MROH1: variants seen among roughly 807,000 people sequenced by gnomAD.
MROH1 encodes the protein maestro heat-like repeat-containing protein family member 1.
MROH1 carries 117 observed loss-of-function variants against 116.5 expected under a neutral mutation model. The ratio of observed to expected loss-of-function variants is 1.00; its 90% confidence interval spans 0.86 to 1.17. MROH1 has a LOEUF of 1.17. Ranked by LOEUF, MROH1 falls within the 50% of genes most tolerant of loss-of-function variation. The probability of loss-of-function intolerance (pLI) is 0.00; values close to 1 mark genes in which losing one functional copy is unlikely to be tolerated. For synonymous variants in MROH1, 921 were observed against 583.9 expected, an observed-to-expected ratio of 1.58 and a Z score of -8.32; for missense variants, 1,873 against 1,338.5, an observed-to-expected ratio of 1.40 and a Z score of -6.23.
At chr8:144,190,311 T>C (rs1171908342) in intron 7 of MROH1, among the ~76,000 whole-genome samples, 1 of 152,188 alleles carries the variant, frequency 6.6e-6, no homozygotes, top group Non-Finnish European at 1.5e-5. Flanking sequence ...GCAGATCACT[T>C]GAGGTCAGCA....
chr8:144,237,222 T>TA (rs1182724976), intron 14 of MROH1, among the ~76,000 whole-genome samples: 1 of 152,212 alleles, frequency 6.6e-6, no homozygotes, highest in African/African-American at 2.4e-5. Context: ...CTCCTATTCT[T>TA]ATGTGCATGC....
intron 10 of MROH1, among the ~76,000 whole-genome samples, chr8:144,194,078 C>G (rs1262708141): frequency 1.3e-5 from 2 of 148,700 alleles, no homozygotes; most frequent in Non-Finnish European, 3.0e-5. Flanking sequence ...TTCTTTTCCC[C>G]TGAGATGGAG....
chr8:144,198,058 A>G (rs1376848162), intron 10 of MROH1, among the ~76,000 whole-genome samples: 56 of 151,410 alleles, frequency 3.7e-4, no homozygotes, highest in African/African-American at 1.3e-3. Flanking sequence ...AAAAAAAAAA[A>G]AAAAAAGAAA....
chr8:144,174,651 G>T (rs570165400), intron 4 of MROH1, among the ~76,000 whole-genome samples: 49 of 151,866 alleles, frequency 3.2e-4, no homozygotes, highest in African/African-American at 1.1e-3. Context: ...CTGGCTAATT[G>T]TTTTTATTTT....
Position 144,261,887 on chromosome 8 carries a change from C to T in MROH1, c.*147C>T, listed in dbSNP as rs942148894. On this transcript the variant is annotated 3_prime_UTR_variant, in exon 44 of 44. Coordinates refer to ENST00000326134, the MANE Select transcript of MROH1 (RefSeq NM_032450.3). ...CACTGCTGGGGACCAAACCCAAGCC[C>T]TTCAGTGAGGGATGTGCCCAATAAA... is the stretch of plus-strand genomic sequence containing the variant. 1.5e-6 allele frequency: 1 copy of T among 671,550 alleles called. No individual in the cohort carries two copies. The allele number at this position is 671,550 out of a possible 1,614,324, so 41.6% of individuals were successfully genotyped here.
intron 10 of MROH1, among the ~76,000 whole-genome samples, chr8:144,198,047 C>CAA (rs11366876): frequency 6.0e-5 from 7 of 116,820 alleles, no homozygotes; most frequent in African/African-American, 2.3e-4. Context: ...AAAACTGTTT[C>CAA]AAAAAAAAAA....
intron 14 of MROH1, among the ~76,000 whole-genome samples, chr8:144,229,743 G>GCTTT (rs1458167711): frequency 1.3e-5 from 2 of 151,988 alleles, no homozygotes; most frequent in Non-Finnish European, 2.9e-5. Context: ...TTTTCTCTTA[G>GCTTT]CTTTTCCTTT....
Position 144,247,568 on chromosome 8 carries a change from C to T in MROH1, c.3009C>T (p.Gly1003=), listed in dbSNP as rs1842113586. The change falls in exon 31 of 44, where the codon GGC becomes GGT. Residue 1003 remains glycine (G), a splice_region_variant and synonymous_variant. Transcript: ENST00000326134. ...SLLYLQLGYE[G]FSRDYRDDVA... ...CTGCTCATTCCTGCCGCCTCTCAGG[C>T]TTCTCCCGGGACTACCGCGATGACG... 2.6e-6 allele frequency: 2 copies of T among 774,334 alleles called. No individual in the cohort carries two copies. The highest frequency in any genetic ancestry group is 1.4e-5 in the South Asian group (1 of 73,788). The allele number at this position is 774,334 out of a possible 1,614,324, so 48.0% of individuals were successfully genotyped here.
In MROH1 at chr8:144,212,886, T is replaced by TA. The variant is rs1310224392; in HGVS notation, c.1142-7712dup. 4.6e-6 allele frequency: 3 copies of TA among 654,710 alleles called. No individual in the cohort carries two copies. The East Asian group carries it at 7.8e-5, about 17-fold the overall frequency. 40.6% of individuals were successfully genotyped at this position (654,710 alleles called of 1,614,324 possible). A position where few individuals can be genotyped will look rare whatever the true frequency, so the allele number is the denominator to read the frequency against. On this transcript the variant is annotated intron_variant, in intron 12 of 43. Transcript: ENST00000326134. ...GATTACAGGCATGAGCCACCGCATC[T>TA]AACCTCTTTTCTGTTACGTCTCTAT... is the stretch of plus-strand genomic sequence containing the variant.
At chr8:144,211,545 G>A (rs370163971) in intron 12 of MROH1, among the ~76,000 whole-genome samples, 5 of 152,042 alleles carry the variant, frequency 3.3e-5, no homozygotes, top group African/African-American at 7.2e-5. Context: ...CCAACATGGT[G>A]AAACCCCCCT....
chr8:144,257,545 C>T (rs1395780384), intron 35 of MROH1, among the ~76,000 whole-genome samples: 2 of 152,210 alleles, frequency 1.3e-5, no homozygotes, highest in Non-Finnish European at 2.9e-5. Context: ...GGGCCCATCA[C>T]CAGATCTCTA....
chr8:144,202,725 T>TG (rs1831598898), intron 12 of MROH1, among the ~76,000 whole-genome samples: 1 of 91,770 alleles, frequency 1.1e-5, no homozygotes, highest in Non-Finnish European at 2.1e-5. Flanking sequence ...TGGAGGAGCC[T>TG]GGAGAGGAGC....
chr8:144,250,668 C>G (rs1842704144), intron 33 of MROH1: 3 of 478,148 alleles, frequency 6.3e-6, no homozygotes, highest in South Asian at 6.1e-5. Flanking sequence ...CCTGGCTGCT[C>G]TGTTGGCCCC....
intron 14 of MROH1, among the ~76,000 whole-genome samples, chr8:144,234,132 C>T (rs1226886739): frequency 6.6e-6 from 1 of 152,128 alleles, no homozygotes; most frequent in East Asian, 1.9e-4. Context: ...GCCTCAGCCT[C>T]CCGAGCAGCT....
intron 7 of MROH1, among the ~76,000 whole-genome samples, chr8:144,190,060 C>T (rs1828169733): frequency 6.6e-6 from 1 of 152,206 alleles, no homozygotes; most frequent in South Asian, 2.1e-4. Flanking sequence ...ATTTCAGGCT[C>T]CCCAGCTTCT....
At chr8:144,199,263 T>TGGA in intron 11 of MROH1, 63 bp downstream of exon 11, 1 of 1,508,464 alleles carries the variant, frequency 6.6e-7, no homozygotes, top group Non-Finnish European at 9.1e-7. Flanking sequence ...CACTGCCTGC[T>TGGA]GTATGTGGAG....
In MROH1 at chr8:144,163,747, A is replaced by G. The variant is rs1820110391; in HGVS notation, c.-56-24A>G. On this transcript the variant is annotated intron_variant, in intron 2 of 43. Coordinates refer to ENST00000326134, the MANE Select transcript of MROH1 (RefSeq NM_032450.3). This position sits in a 1 kb window ranked among gnomAD's most constrained non-coding sequence, Gnocchi z 4.4. ...GATATCGTAGAGGCTTATGAATTAA[A>G]TCTTGTGATTTTGGTTATTCCAGAT... 2 of 1,483,160 alleles carry G rather than the reference A, an allele frequency of 1.3e-6. No individual in the cohort carries two copies. Among genetic ancestry groups the G allele is most frequent in the East Asian group, 4.6e-5 (2 of 43,788 alleles). 91.9% of individuals were successfully genotyped at this position (1,483,160 alleles called of 1,614,324 possible).
At chr8:144,151,202 T>A (rs1376621365) in intron 1 of MROH1, among the ~76,000 whole-genome samples, 3 of 135,456 alleles carry the variant, frequency 2.2e-5, no homozygotes. Context: ...GAGCCGAGAT[T>A]GCGCCATTGC....
rs990021378 is a variant in MROH1, at chr8:144,182,645, G to T, written c.562+2122G>T. Among the ~76,000 whole-genome samples, 1 of 152,126 alleles carries T rather than the reference G, an allele frequency of 6.6e-6. No homozygotes were observed. The highest frequency in any genetic ancestry group is 1.5e-5 in the Non-Finnish European group (1 of 68,032). On this transcript the variant is annotated intron_variant, in intron 7 of 43. Transcript: ENST00000326134. This position sits in a 1 kb window ranked among gnomAD's most constrained non-coding sequence, Gnocchi z 4.1. The stretch of plus-strand genomic sequence containing the variant: ...AAGTTGTGGAAATTTCCAGAAAATA[G>T]AGGAAAAAGGCAAAAATATGGAAAG...
Sources: allele counts gnomAD v4.1 joint callset (sites outside exome capture counted in the v4.1 genomes callset), GRCh38; gene constraint gnomAD v4.1.1; non-coding constraint Gnocchi (gnomAD v3.1); transcripts MANE v1.5; gene names NCBI Gene and HGNC (gene_info 2026-07-23, HGNC 2026-07-21).